MYO3B: variants seen among roughly 807,000 people sequenced by gnomAD.
MYO3B encodes myosin IIIB.
Under a neutral mutation model 174.6 loss-of-function variants are expected in MYO3B, and 156 were observed. That is an observed-to-expected ratio of 0.89 (90% CI 0.78 to 1.02). MYO3B has a LOEUF of 1.02. MYO3B is among the 50% of genes least tolerant of loss of function. The pLI is 0.00. For missense variants in MYO3B, 1,632 were observed against 1,639.4 expected (o/e 1.00, Z 0.08); for synonymous variants, 563 against 569.1 (o/e 0.99, Z 0.15).
chr2:170,518,115 T>C (rs1688437847), intron 29 of MYO3B, among the ~76,000 whole-genome samples: 1 of 152,112 alleles, frequency 6.6e-6, no homozygotes, highest in African/African-American at 2.4e-5. Flanking sequence ...TTACCTTAGC[T>C]CAAAGAATTG....
Position 170,514,357 on chromosome 2 carries a change from A to G in MYO3B, c.3371-564A>G, listed in dbSNP as rs1159143562. ...AGAAGCTGCAATGTGATATTCCTCA[A>G]GTGAATATAGTATGTAGTCCATCTT... is the stretch of plus-strand genomic sequence containing the variant. On this transcript the variant is annotated intron_variant, in intron 28 of 34. Coordinates refer to ENST00000408978, the MANE Select transcript of MYO3B (RefSeq NM_138995.5). Among the ~76,000 whole-genome samples the G allele has an allele frequency of 2.6e-5, 4 of 152,232 alleles. No individual in the cohort carries two copies. In the East Asian group the frequency reaches 7.7e-4, roughly 29 times the overall value.
intron 32 of MYO3B, among the ~76,000 whole-genome samples, chr2:170,586,846 C>G (rs1693522695): frequency 6.6e-6 from 1 of 152,190 alleles, no homozygotes; most frequent in Non-Finnish European, 1.5e-5. Flanking sequence ...ATTTTGATGT[C>G]AAAATCAGAT....
intron 21 of MYO3B, 39 bp downstream of exon 21, chr2:170,405,672 A>C (rs1362789443): frequency 1.3e-6 from 2 of 1,566,824 alleles, no homozygotes; most frequent in South Asian, 1.1e-5. Context: ...TGAATTTGGC[A>C]AAGGGTAAGT....
At chr2:170,404,490 C>T (rs1030867049) in intron 20 of MYO3B, 90 bp downstream of exon 20, 1 of 1,322,946 alleles carries the variant, frequency 7.6e-7, no homozygotes, top group South Asian at 1.6e-5. Flanking sequence ...ATTTACCTTA[C>T]ATATTTTGTT....
intron 7 of MYO3B, among the ~76,000 whole-genome samples, chr2:170,270,935 C>T (rs748681853): frequency 1.3e-5 from 2 of 152,240 alleles, no homozygotes; most frequent in Non-Finnish European, 2.9e-5. Context: ...ACAACCACTA[C>T]AGCCAGTTCC....
intron 32 of MYO3B, among the ~76,000 whole-genome samples, chr2:170,573,610 C>T (rs188557087): frequency 6.6e-6 from 1 of 152,090 alleles, no homozygotes; most frequent in Non-Finnish European, 1.5e-5. Flanking sequence ...CTATAAAATT[C>T]TCCTAAAAAT....
chr2:170,263,147 T>C (rs957784143), intron 7 of MYO3B, among the ~76,000 whole-genome samples: 8 of 152,134 alleles, frequency 5.3e-5, no homozygotes, highest in Non-Finnish European at 7.4e-5. Flanking sequence ...AAATAACAAT[T>C]TGTGGTTTAT....
intron 32 of MYO3B, among the ~76,000 whole-genome samples, chr2:170,619,261 G>C (rs12993336): frequency 6.6e-6 from 1 of 152,080 alleles, no homozygotes; most frequent in Non-Finnish European, 1.5e-5. Context: ...TTGGTGATGT[G>C]AAACCTCCCT....
intron 6 of MYO3B, among the ~76,000 whole-genome samples, chr2:170,227,470 A>T (rs1001573462): frequency 7.6e-3 from 4 of 524 alleles, no homozygotes; most frequent in Admixed American, 0.038. Flanking sequence ...TTTTTAGTAG[A>T]GACAGGGTTC....
intron 7 of MYO3B, among the ~76,000 whole-genome samples, chr2:170,275,685 A>G (rs1054352710): frequency 2.0e-5 from 3 of 152,124 alleles, no homozygotes; most frequent in African/African-American, 7.2e-5. Context: ...TTCTTTATTA[A>G]GGAATAGTTT....
At chr2:170,570,593 G>A (rs1310116746) in intron 32 of MYO3B, among the ~76,000 whole-genome samples, 1 of 152,144 alleles carries the variant, frequency 6.6e-6, no homozygotes, top group Non-Finnish European at 1.5e-5. Context: ...GCCTTCCACA[G>A]CAAATTACTC....
At chr2:170,628,906 A>G (rs1477431033) in intron 32 of MYO3B, among the ~76,000 whole-genome samples, 2 of 152,074 alleles carry the variant, frequency 1.3e-5, no homozygotes, top group Admixed American at 6.5e-5. Flanking sequence ...AACTCTGATC[A>G]GGTCTGGGTT....
intron 8 of MYO3B, chr2:170,344,368 A>T (rs1047456878): frequency 4.6e-5 from 7 of 151,054 alleles, no homozygotes; most frequent in South Asian, 2.1e-4. Flanking sequence ...TGGGAGGGTG[A>T]GGCAGGAGAA....
intron 32 of MYO3B, among the ~76,000 whole-genome samples, chr2:170,596,483 A>G (rs950510148): frequency 6.6e-6 from 1 of 152,252 alleles, no homozygotes; most frequent in Non-Finnish European, 1.5e-5. Context: ...TAAACCGTGC[A>G]GAACGATGTT....
intron 30 of MYO3B, among the ~76,000 whole-genome samples, chr2:170,542,444 T>C (rs138702522): frequency 6.6e-6 from 1 of 152,340 alleles, no homozygotes; most frequent in East Asian, 1.9e-4. Context: ...TTTTAAAAGA[T>C]TATTCCTGCA....
intron 6 of MYO3B, among the ~76,000 whole-genome samples, chr2:170,220,795 A>G (rs1014490912): frequency 6.6e-6 from 1 of 152,040 alleles, no homozygotes; most frequent in African/African-American, 2.4e-5. Flanking sequence ...AGTTTAAGGT[A>G]TGGACACCTT....
At chr2:170,636,346 A>AATAAC (rs1044338814) in intron 32 of MYO3B, among the ~76,000 whole-genome samples, 1 of 145,350 alleles carries the variant, frequency 6.9e-6, no homozygotes, top group East Asian at 1.9e-4. Context: ...CCACGCTGGA[A>AATAAC]ATAACATAAC....
chr2:170,235,773 AAAAAC>A (rs2093062999), intron 6 of MYO3B, among the ~76,000 whole-genome samples: 1 of 152,364 alleles, frequency 6.6e-6, no homozygotes, highest in African/African-American at 2.4e-5. Context: ...CATGCTTTTT[AAAAAC>A]AAAACTGACA....
At chr2:170,277,223 T>C (rs1011749972) in intron 7 of MYO3B, among the ~76,000 whole-genome samples, 3 of 152,206 alleles carry the variant, frequency 2.0e-5, no homozygotes, top group Non-Finnish European at 4.4e-5. Context: ...GTTTGGGGGC[T>C]CACATAATCT....
Sources: allele counts gnomAD v4.1 joint callset (sites outside exome capture counted in the v4.1 genomes callset), GRCh38; gene constraint gnomAD v4.1.1; transcripts MANE v1.5; gene names NCBI Gene and HGNC (gene_info 2026-07-23, HGNC 2026-07-21).